DSCAM: variants seen among roughly 807,000 people sequenced by gnomAD.
The protein encoded by DSCAM is cell adhesion molecule DSCAM.
In DSCAM, 47 loss-of-function variants were observed where a neutral mutation model predicts 217.7. The ratio of observed to expected loss-of-function variants is 0.22; its 90% CI spans 0.17 to 0.28. The LOEUF is 0.28. Among genes scored for constraint, DSCAM ranks in the 10% least tolerant of loss-of-function variants. DSCAM has a pLI of 1.00. For synonymous variants in DSCAM, 1,056 were observed against 1,015.3 expected (o/e 1.04, Z -0.76); for missense variants, 2,080 against 2,618.3 (o/e 0.79, Z 4.49).
intron 3 of DSCAM, among the ~76,000 whole-genome samples, chr21:40,682,621 G>GAA (rs1555880026): frequency 2.8e-5 from 2 of 70,232 alleles, no homozygotes; most frequent in Non-Finnish European, 5.6e-5. Flanking sequence ...GAAAGAGAAA[G>GAA]AGAAAGAGAG....
intron 31 of DSCAM, among the ~76,000 whole-genome samples, chr21:40,042,960 CT>C (rs2088780663): frequency 6.6e-6 from 1 of 152,186 alleles, no homozygotes; most frequent in Non-Finnish European, 1.5e-5. Context: ...AAAAAAAATC[CT>C]GCTTTTAGTG....
At chr21:40,505,161 GA>G (rs1436881389) in intron 3 of DSCAM, among the ~76,000 whole-genome samples, 1 of 152,204 alleles carries the variant, frequency 6.6e-6, no homozygotes, top group Non-Finnish European at 1.5e-5. Context: ...GAATGAGTTA[GA>G]AAAATCAGTG....
At chr21:40,396,558 G>T (rs377415810) in intron 3 of DSCAM, among the ~76,000 whole-genome samples, 20 of 152,102 alleles carry the variant, frequency 1.3e-4, no homozygotes, top group Non-Finnish European at 2.6e-4. Flanking sequence ...CACCAGGAAC[G>T]GAACACTTAA....
chr21:40,171,849 T>C (rs1441222541), intron 15 of DSCAM, among the ~76,000 whole-genome samples: 1 of 152,210 alleles, frequency 6.6e-6, no homozygotes, highest in Non-Finnish European at 1.5e-5. Context: ...ATGATGCCTA[T>C]AAAATTACAG....
intron 1 of DSCAM, among the ~76,000 whole-genome samples, chr21:40,758,047 T>TGGACAAAGACCCAGAGAGGC (rs1416437993): frequency 6.6e-6 from 1 of 152,126 alleles, no homozygotes; most frequent in Non-Finnish European, 1.5e-5. Flanking sequence ...GAGGAAAATC[T>TGGACAAAGACCCAGAGAGGC]GGACAAAGAC....
chr21:40,531,854 C>A (rs1404069766), intron 3 of DSCAM, among the ~76,000 whole-genome samples: 1 of 152,198 alleles, frequency 6.6e-6, no homozygotes, highest in Non-Finnish European at 1.5e-5. Context: ...CATCCAGCAT[C>A]CCACTCAATG....
At chr21:40,599,429 G>A (rs1458723713) in intron 3 of DSCAM, among the ~76,000 whole-genome samples, 1 of 152,202 alleles carries the variant, frequency 6.6e-6, no homozygotes, top group South Asian at 2.1e-4. Flanking sequence ...GTGTCCATGT[G>A]TTATCATTGT....
intron 27 of DSCAM, among the ~76,000 whole-genome samples, chr21:40,068,111 T>C (rs1681738032): frequency 6.6e-6 from 1 of 152,140 alleles, no homozygotes; most frequent in Admixed American, 6.5e-5. Context: ...GGAGAAATGA[T>C]ACCAGGATAA....
chr21:40,436,240 A>T (rs2075581480), intron 3 of DSCAM, among the ~76,000 whole-genome samples: 1 of 152,200 alleles, frequency 6.6e-6, no homozygotes, highest in Non-Finnish European at 1.5e-5. Context: ...AATTGTAGTG[A>T]TGTATTTCTT....
intron 10 of DSCAM, among the ~76,000 whole-genome samples, chr21:40,288,579 G>A (rs1047273245): frequency 3.9e-5 from 6 of 152,194 alleles, no homozygotes. Context: ...GCAATTGAGT[G>A]TAACAGAGAG....
At chr21:40,632,149 G>T (rs2089700111) in intron 3 of DSCAM, among the ~76,000 whole-genome samples, 1 of 152,192 alleles carries the variant, frequency 6.6e-6, no homozygotes, top group Non-Finnish European at 1.5e-5. Flanking sequence ...TGCTGACCAG[G>T]TCTATGCTGA....
intron 3 of DSCAM, among the ~76,000 whole-genome samples, chr21:40,454,937 C>T (rs1278401159): frequency 1.3e-5 from 2 of 152,190 alleles, no homozygotes; most frequent in South Asian, 2.1e-4. Flanking sequence ...CTGCGCACAA[C>T]CTGCTGACCT....
At chr21:40,085,143 A>G (rs1287777819) in intron 23 of DSCAM, among the ~76,000 whole-genome samples, 1 of 152,246 alleles carries the variant, frequency 6.6e-6, no homozygotes, top group African/African-American at 2.4e-5. Context: ...GCTAAATACT[A>G]CAGCGATCTA....
intron 3 of DSCAM, among the ~76,000 whole-genome samples, chr21:40,381,221 C>T (rs1313691645): frequency 1.3e-5 from 2 of 152,130 alleles, no homozygotes; most frequent in East Asian, 1.9e-4. Flanking sequence ...ATAAGAACCA[C>T]GGGGTGTGGC....
At chr21:40,168,153 A>C (rs1266436460) in intron 15 of DSCAM, among the ~76,000 whole-genome samples, 2 of 152,204 alleles carry the variant, frequency 1.3e-5, no homozygotes, top group Non-Finnish European at 2.9e-5. Context: ...AGGAAACAAA[A>C]GTGTGCAATT....
At chr21:40,196,258 G>A (rs983628189) in intron 11 of DSCAM, among the ~76,000 whole-genome samples, 15 of 152,140 alleles carry the variant, frequency 9.9e-5, no homozygotes, top group Non-Finnish European at 7.3e-5. Flanking sequence ...CAGAGAATCT[G>A]ACTCCAACCT....
intron 3 of DSCAM, among the ~76,000 whole-genome samples, chr21:40,572,085 GGTGTGTGTGTGTGTGTGTGT>G (rs10553285): frequency 6.7e-6 from 1 of 148,628 alleles, no homozygotes; most frequent in Admixed American, 6.7e-5. Flanking sequence ...TGTGTGTGTG[GGTGTGTGTGTGTGTGTGTGT>G]GTGTGTGTGT....
At chr21:40,705,580 G>A (rs2090705298) in intron 2 of DSCAM, among the ~76,000 whole-genome samples, 3 of 152,184 alleles carry the variant, frequency 2.0e-5, no homozygotes, top group African/African-American at 7.2e-5. Context: ...CAGGGTGGCA[G>A]GAGAGAGAAT....
chr21:40,760,487 C>G (rs185946974), intron 1 of DSCAM, among the ~76,000 whole-genome samples: 1 of 152,276 alleles, frequency 6.6e-6, no homozygotes, highest in East Asian at 1.9e-4. Context: ...CCTGCCTTAC[C>G]CTAGAGACAC....
Sources: gnomAD v4.1 joint callset for allele counts (sites outside exome capture counted in the v4.1 genomes callset) on GRCh38, gnomAD v4.1.1 for gene constraint, MANE v1.5 for transcripts, NCBI Gene and HGNC (gene_info 2026-07-23, HGNC 2026-07-21) for gene names.